The following ACTN2 variants were observed in gnomAD, a reference collection of about 807,000 sequenced individuals.
ACTN2 encodes the protein alpha-actinin-2.
ACTN2 carries 39 observed loss-of-function variants against 113.8 expected under a neutral mutation model. That is an observed-to-expected ratio of 0.34 (90% CI 0.27 to 0.45). The LOEUF (loss-of-function observed/expected upper bound fraction) is 0.45. Ranked by LOEUF, ACTN2 falls within the 20% of genes least tolerant of loss-of-function variation. The pLI, the probability that ACTN2 is intolerant of heterozygous loss-of-function variation, is 1.00. For synonymous variants in ACTN2, 429 were observed against 444.1 expected (o/e 0.97, Z 0.43); for missense variants, 992 against 1,177.9 (o/e 0.84, Z 2.31).
At chr1:236,741,786 T>A (rs1659075850) in intron 10 of ACTN2, among the ~76,000 whole-genome samples, 1 of 152,220 alleles carries the variant, frequency 6.6e-6, no homozygotes, top group South Asian at 2.1e-4. Flanking sequence ...TACATCAGCC[T>A]CTGTCGTCTT....
chr1:236,745,290 C>T (rs1416245139), intron 12 of ACTN2, among the ~76,000 whole-genome samples: 17 of 152,190 alleles, frequency 1.1e-4, no homozygotes, highest in Non-Finnish European at 2.5e-4. Context: ...AAAAATTAGC[C>T]GGGCCTGGTG....
At chr1:236,712,989 T>C (rs1489400255) in intron 1 of ACTN2, among the ~76,000 whole-genome samples, 1 of 151,980 alleles carries the variant, frequency 6.6e-6, no homozygotes, top group African/African-American at 2.4e-5. Flanking sequence ...GTGATTAGTC[T>C]TAATATTGTC....
chr1:236,753,066 G>A (rs151030738), intron 15 of ACTN2, among the ~76,000 whole-genome samples: 1 of 152,094 alleles, frequency 6.6e-6, no homozygotes, highest in Non-Finnish European at 1.5e-5. Flanking sequence ...CTCACAAATG[G>A]AACAGAAAGC....
At chr1:236,726,110 CCTGT>C in intron 5 of ACTN2, 90 bp downstream of exon 5, 1 of 1,199,882 alleles carries the variant, frequency 8.3e-7, no homozygotes, top group Non-Finnish European at 1.2e-6. Context: ...GTGTTTTCCT[CCTGT>C]CTGAGAAGCC....
At position 236,753,272 on chromosome 1, in the gene ACTN2, A is replaced by T. The variant is rs565548515; in HGVS notation, c.1840-675A>T. On this transcript the variant is annotated intron_variant, in intron 15 of 20. Coordinates refer to ENST00000366578, the MANE Select transcript of ACTN2 (RefSeq NM_001103.4). ...TACCAAGGAAACAAATTATATTGAA[A>T]TGTAGTTATTCAAATATCTTTAAAG... Among the ~76,000 whole-genome samples the T allele has an allele frequency of 1.2e-4, 19 of 152,340 alleles. 1 individual carries two copies. The South Asian group carries it at 3.9e-3, about 32-fold the overall frequency.
chr1:236,696,165 G>A (rs1322777901), intron 1 of ACTN2, among the ~76,000 whole-genome samples: 1 of 152,090 alleles, frequency 6.6e-6, no homozygotes, highest in East Asian at 1.9e-4. Context: ...AAATTAGCCA[G>A]GTGTGGTGGT....
intron 9 of ACTN2, among the ~76,000 whole-genome samples, chr1:236,738,795 A>G (rs546288058): frequency 1.3e-5 from 2 of 152,338 alleles, no homozygotes; most frequent in South Asian, 2.1e-4. Context: ...CTAGACGTCA[A>G]AATACACTTT....
In ACTN2 at chr1:236,744,740, G is replaced by T. The variant is rs781559530; in HGVS notation, c.1370G>T (p.Arg457Leu). 3.7e-6 allele frequency: 6 copies of T among 1,614,162 alleles called. No homozygotes were observed. The highest frequency in any genetic ancestry group is 5.1e-6 in the Non-Finnish European group (6 of 1,180,026). Residue 457 changes from arginine to leucine, a missense_variant, in exon 12 of 21, where the codon CGC (arginine) becomes CTC (leucine). Physicochemically the swap from Arg to Leu is moderately radical, Grantham distance 102 (BLOSUM62 -2). This residue lies in a region of ACTN2 where 736 missense variants were observed against 815.4 expected (regional missense o/e 0.90). Transcript: ENST00000366578. ...AGCGACCTGGCAGCGCACCAGGACC[G>T]CGTGGAGCAGATCGCAGCCATCGCG... is the stretch of plus-strand genomic sequence containing the variant. ...FESDLAAHQD[R>L]VEQIAAIAQE... is the part of the protein sequence containing the mutation.
chr1:236,722,220 C>G (rs188492333), intron 4 of ACTN2, among the ~76,000 whole-genome samples: 3 of 152,066 alleles, frequency 2.0e-5, no homozygotes, highest in African/African-American at 7.2e-5. Flanking sequence ...ACAGAAAAAT[C>G]ATCTTTATTT....
Position 236,751,636 on chromosome 1 carries a change from G to A in ACTN2, c.1823G>A (p.Arg608Gln), listed in dbSNP as rs529944004. Residue 608 changes from arginine (R) to glutamine (Q), a missense_variant, in exon 15 of 21, where the codon CGG (arginine) becomes CAG (glutamine). Transcript: ENST00000366578. ...PYSTVTMDELRTKWDKVKQLV... is the reference protein window; with the variant it reads ...PYSTVTMDELQTKWDKVKQLV... Reference sequence around the variant, plus strand: ...AGCACTGTCACCATGGATGAGCTCCGGACCAAGTGGGACAAGGTGGGTGGC... The same window carrying A: ...AGCACTGTCACCATGGATGAGCTCCAGACCAAGTGGGACAAGGTGGGTGGC... The A allele has an allele frequency of 5.1e-5, 82 of 1,613,910 alleles. No individual in the cohort carries two copies. Among genetic ancestry groups the A allele is most frequent in the Middle Eastern group, 3.3e-4 (2 of 6,054 alleles).
chr1:236,747,022 C>T (rs1659257978), intron 12 of ACTN2, among the ~76,000 whole-genome samples: 1 of 152,180 alleles, frequency 6.6e-6, no homozygotes, highest in Non-Finnish European at 1.5e-5. Context: ...CTCTTCCCTC[C>T]CCAGTCACTG....
intron 1 of ACTN2, among the ~76,000 whole-genome samples, chr1:236,715,817 G>A (rs1333036405): frequency 1.3e-5 from 2 of 152,186 alleles, no homozygotes; most frequent in Non-Finnish European, 2.9e-5. Context: ...TCAGCTAGGT[G>A]TGGTGGCAGG....
At position 236,735,682 on chromosome 1, in the gene ACTN2, G is replaced by A. The variant is rs771260546; in HGVS notation, c.745G>A (p.Val249Ile). Residue 249 changes from valine (V) to isoleucine (I), a missense_variant, in exon 8 of 21, where the codon GTC becomes ATC. Physicochemically the swap from Val to Ile is conservative, Grantham distance 29. Transcript: ENST00000366578. ...CGATGAAAGAGCCATCATGACGTAC[G>A]TCTCTTGCTTCTACCACGCTTTTGC... Reference protein sequence around the residue: ...KPDERAIMTYVSCFYHAFAGA... With the variant: ...KPDERAIMTYISCFYHAFAGA... 1.8e-5 allele frequency: 29 copies of A among 1,614,036 alleles called. No homozygotes were observed. The highest frequency in any genetic ancestry group is 2.2e-5 in the Non-Finnish European group (26 of 1,180,046).
intron 7 of ACTN2, chr1:236,734,371 G>A: frequency 8.3e-7 from 1 of 1,198,188 alleles, no homozygotes; most frequent in Non-Finnish European, 1.2e-6. Flanking sequence ...CTGAGGAAGT[G>A]CTTAGCAGAA....
intron 1 of ACTN2, among the ~76,000 whole-genome samples, chr1:236,709,253 T>TACACACACACAC (rs376883077): frequency 1.4e-5 from 1 of 70,208 alleles, no homozygotes; most frequent in African/African-American, 4.8e-5. Flanking sequence ...TATATATATA[T>TACACACACACAC]ATACACACAC....
intron 4 of ACTN2, among the ~76,000 whole-genome samples, chr1:236,720,585 C>A (rs1658355655): frequency 6.6e-6 from 1 of 152,096 alleles, no homozygotes; most frequent in South Asian, 2.1e-4. Flanking sequence ...CCTTAACTTT[C>A]TTCCTCCCTA....
chr1:236,732,142 G>A (rs537005842), intron 7 of ACTN2, among the ~76,000 whole-genome samples: 16 of 152,302 alleles, frequency 1.1e-4, no homozygotes, highest in East Asian at 1.9e-4. Flanking sequence ...ATAGTCAGTC[G>A]TCAATCTTCC....
chr1:236,734,030 T>A (rs1658791114), intron 7 of ACTN2, among the ~76,000 whole-genome samples: 1 of 152,158 alleles, frequency 6.6e-6, no homozygotes, highest in South Asian at 2.1e-4. Flanking sequence ...GTGGGTACAT[T>A]TGCTCCATGA....
chr1:236,697,875 T>A (rs1361390404), intron 1 of ACTN2, among the ~76,000 whole-genome samples: 1 of 148,514 alleles, frequency 6.7e-6, no homozygotes, highest in Admixed American at 6.8e-5. Flanking sequence ...GCCTCCTGCC[T>A]CAGCCTCCTG....
Sources: allele counts gnomAD v4.1 joint callset (sites outside exome capture counted in the v4.1 genomes callset), GRCh38; gene constraint gnomAD v4.1.1; regional missense constraint gnomAD v4.1.1; transcripts MANE v1.5; gene names NCBI Gene and HGNC (gene_info 2026-07-23, HGNC 2026-07-21).